OR2L13: variants seen among roughly 807,000 people sequenced by gnomAD.
The protein encoded by OR2L13 is olfactory receptor 2L13.
Under a neutral mutation model 15.3 loss-of-function variants are expected in OR2L13, and 14 were observed. The ratio of observed to expected loss-of-function variants is 0.91; its 90% CI spans 0.60 to 1.43. The LOEUF is 1.43. Among genes scored for constraint, OR2L13 ranks in the 40% most tolerant of loss-of-function variants. The pLI is 0.00. For missense variants in OR2L13, 367 were observed against 387.9 expected, an observed-to-expected ratio of 0.95 and a Z score of 0.45; for synonymous variants, 152 against 142.9, an observed-to-expected ratio of 1.06 and a Z score of -0.45.
At chr1:247,993,762 GGAGAGA>G in the OR2L13 span, among the ~76,000 whole-genome samples, 9 of 53,638 alleles carry the variant, frequency 1.7e-4, no homozygotes, top group Non-Finnish European at 3.0e-4. Flanking sequence ...AGAGAGAGGG[GGAGAGA>G]GAGAGAGAGA....
At chr1:247,966,241 A>G in the OR2L13 span, 1 of 1,613,224 alleles carries the variant, frequency 6.2e-7, no homozygotes, top group Non-Finnish European at 8.5e-7. Flanking sequence ...GAACCCATTT[A>G]TCTACAGCCT....
the OR2L13 span, among the ~76,000 whole-genome samples, chr1:247,960,326 C>T: frequency 2.6e-5 from 4 of 152,122 alleles, no homozygotes; most frequent in Admixed American, 2.0e-4. Context: ...AGTACCAGGC[C>T]GTGTGAGGTG....
At chr1:248,009,278 A>G in the OR2L13 span, among the ~76,000 whole-genome samples, 1 of 152,154 alleles carries the variant, frequency 6.6e-6, no homozygotes, top group Non-Finnish European at 1.5e-5. Flanking sequence ...ACCACTAGTC[A>G]GATTAATAAA....
At chr1:248,046,312 C>G in the OR2L13 span, among the ~76,000 whole-genome samples, 1 of 152,078 alleles carries the variant, frequency 6.6e-6, no homozygotes, top group Non-Finnish European at 1.5e-5. Context: ...ATAATTTCTA[C>G]TTATGTGTTT....
At chr1:248,030,494 T>C in the OR2L13 span, among the ~76,000 whole-genome samples, 4 of 152,200 alleles carry the variant, frequency 2.6e-5, no homozygotes, top group Non-Finnish European at 5.9e-5. Context: ...CAGGGATACA[T>C]TATATTAGAC....
the OR2L13 span, among the ~76,000 whole-genome samples, chr1:248,045,101 T>A: frequency 6.6e-6 from 1 of 152,206 alleles, no homozygotes; most frequent in African/African-American, 2.4e-5. Context: ...ATCATCTGAA[T>A]CTTGTATCTT....
chr1:247,965,256 C>T, the OR2L13 span: 18 of 1,221,310 alleles, frequency 1.5e-5, no homozygotes, highest in Non-Finnish European at 2.0e-5. Flanking sequence ...TAGATAGTTG[C>T]CAAACATGTA....
In OR2L13 at chr1:248,099,614, TG is replaced by T; in HGVS notation, c.241del (p.Ala81ArgfsTer24). ...TACATCTCCACCACCGTCCCCAAGATGGCGTACAACTTCCTGTCCGGCCAGA... is the reference window on the plus strand; with the variant it reads ...TACATCTCCACCACCGTCCCCAAGATGCGTACAACTTCCTGTCCGGCCAGA... On this transcript the variant is annotated frameshift_variant, in exon 3 of 3. Transcript: ENST00000641714. LOFTEE classifies it high-confidence loss of function. 6.2e-7 allele frequency: 1 copy of T among 1,614,122 alleles called. No homozygotes were observed. Among genetic ancestry groups the T allele is most frequent in the Non-Finnish European group, 8.5e-7 (1 of 1,180,010 alleles).
the OR2L13 span, among the ~76,000 whole-genome samples, chr1:248,008,426 GT>G: frequency 6.6e-6 from 1 of 152,012 alleles, no homozygotes; most frequent in East Asian, 1.9e-4. Flanking sequence ...CAGCTTATGT[GT>G]TTTTTTCTCA....
chr1:248,099,489 G>A (rs751970122), exon 3 of OR2L13: 25 of 1,613,592 alleles, frequency 1.5e-5, no homozygotes, highest in Admixed American at 3.3e-5. Context: ...TTCTGGCCTC[G>A]GTGGGTAACT....
chr1:248,042,467 G>T, the OR2L13 span, among the ~76,000 whole-genome samples: 1 of 151,770 alleles, frequency 6.6e-6, no homozygotes, highest in African/African-American at 2.4e-5. Context: ...TAAATAACCT[G>T]CACATTGTGC....
the OR2L13 span, among the ~76,000 whole-genome samples, chr1:248,017,997 T>TA: frequency 1.3e-5 from 2 of 151,570 alleles, no homozygotes; most frequent in East Asian, 2.0e-4. Context: ...TATGTATATA[T>TA]AAAAAAAATT....
chr1:248,033,166 G>C, the OR2L13 span, among the ~76,000 whole-genome samples: 2 of 152,202 alleles, frequency 1.3e-5, no homozygotes, highest in East Asian at 3.9e-4. Flanking sequence ...TTCCACAGAG[G>C]CTGTACAATT....
chr1:248,084,812 T>C, the OR2L13 span, among the ~76,000 whole-genome samples: 2 of 152,146 alleles, frequency 1.3e-5, no homozygotes, highest in Admixed American at 1.3e-4. Context: ...ATCCAGCATG[T>C]GAGCATTCAG....
the OR2L13 span, among the ~76,000 whole-genome samples, chr1:247,938,673 GACAC>G: frequency 4.3e-4 from 65 of 152,100 alleles, 1 homozygote; most frequent in East Asian, 0.012. Flanking sequence ...CATACACACT[GACAC>G]ACACACATAT....
At chr1:248,005,356 G>C in the OR2L13 span, among the ~76,000 whole-genome samples, 1 of 152,160 alleles carries the variant, frequency 6.6e-6, no homozygotes, top group Non-Finnish European at 1.5e-5. Flanking sequence ...TCAGTTAACT[G>C]TAGATGGGTG....
chr1:248,090,678 A>G (rs374430385), upstream of OR2L13, among the ~76,000 whole-genome samples: 9 of 152,094 alleles, frequency 5.9e-5, no homozygotes, highest in African/African-American at 2.2e-4. Flanking sequence ...TCTTTATCCA[A>G]TCTACTATTG....
the OR2L13 span, among the ~76,000 whole-genome samples, chr1:248,043,791 G>A: frequency 2.6e-5 from 4 of 152,108 alleles, no homozygotes; most frequent in African/African-American, 4.8e-5. Flanking sequence ...AGAGGAGGAC[G>A]TGTCCACCCT....
exon 3 of OR2L13, chr1:248,100,277 G>C: frequency 1.2e-6 from 2 of 1,611,656 alleles, no homozygotes; most frequent in Middle Eastern, 3.3e-4. Flanking sequence ...GGGGCTATGA[G>C]GAGAGTGTTT....
Sources: gnomAD v4.1 joint callset for allele counts (sites outside exome capture counted in the v4.1 genomes callset) on GRCh38, gnomAD v4.1.1 for gene constraint, MANE v1.5 for transcripts, NCBI Gene and HGNC (gene_info 2026-07-23, HGNC 2026-07-21) for gene names.